CEP104: variants seen among roughly 807,000 people sequenced by gnomAD.
The protein encoded by CEP104 is centrosomal protein of 104 kDa.
In CEP104, 84 loss-of-function variants were observed where a neutral mutation model predicts 113.3. That is an observed-to-expected ratio of 0.74 (90% confidence interval 0.62 to 0.89). The LOEUF is 0.89. Ranked by LOEUF, CEP104 falls within the 40% of genes least tolerant of loss-of-function variation. The pLI, the probability that CEP104 is intolerant of heterozygous loss-of-function variation, is 0.00. For synonymous variants in CEP104, 378 were observed against 421.7 expected, an observed-to-expected ratio of 0.90 and a Z score of 1.27; for missense variants, 1,053 against 1,156.6, an observed-to-expected ratio of 0.91 and a Z score of 1.30.
At chr1:3,849,660 C>T (rs1644574777) in intron 2 of CEP104, among the ~76,000 whole-genome samples, 1 of 152,178 alleles carries the variant, frequency 6.6e-6, no homozygotes, top group Non-Finnish European at 1.5e-5. Context: ...GGGCAGCTGG[C>T]ACAAATTGGG....
At chr1:3,851,380 A>C (rs902872793) in intron 2 of CEP104, among the ~76,000 whole-genome samples, 2 of 149,920 alleles carry the variant, frequency 1.3e-5, no homozygotes, top group African/African-American at 4.8e-5. Context: ...GAATAAAAGC[A>C]AGACAGAATT....
chr1:3,815,241 C>A lies in CEP104; in HGVS notation c.*161G>T. ...GTTAGCTGCATCCATATCGTTTGCA[C>A]GAGAGCTGACGGCACAGACGCGTAA... On this transcript the variant is annotated 3_prime_UTR_variant, in exon 22 of 22. Transcript: ENST00000378230. The A allele has an allele frequency of 1.6e-6, 1 of 613,420 alleles. No individual in the cohort carries two copies. The highest frequency in any genetic ancestry group is 1.8e-5 in the African/African-American group (1 of 54,318). The allele number at this position is 613,420 out of a possible 1,614,324, so 38.0% of individuals were successfully genotyped here.
chr1:3,837,062 G>C, intron 9 of CEP104: 1 of 545,946 alleles, frequency 1.8e-6, no homozygotes, highest in South Asian at 2.5e-5. Flanking sequence ...TTATTGCTTA[G>C]AAATAAGCAT....
At chr1:3,839,573 C>T (rs184143611) in intron 7 of CEP104, 35 bp downstream of exon 7, 3 of 1,575,316 alleles carry the variant, frequency 1.9e-6, no homozygotes, top group African/African-American at 1.4e-5. Context: ...CTATTACAGG[C>T]ATAAATTAGG....
At chr1:3,855,174 ATTTTTTT>A (rs35424750) in intron 1 of CEP104, among the ~76,000 whole-genome samples, 2 of 121,270 alleles carry the variant, frequency 1.6e-5, no homozygotes, top group Non-Finnish European at 3.3e-5. Flanking sequence ...CCCAGCCCCG[ATTTTTTT>A]TTTTTTTTTT....
At chr1:3,851,413 A>G (rs991831916) in intron 2 of CEP104, among the ~76,000 whole-genome samples, 5 of 152,184 alleles carry the variant, frequency 3.3e-5, no homozygotes, top group African/African-American at 1.2e-4. Context: ...TTAAAATGCC[A>G]TACATATTTA....
chr1:3,831,620 A>T (rs751995285), intron 12 of CEP104, among the ~76,000 whole-genome samples: 1 of 152,238 alleles, frequency 6.6e-6, no homozygotes, highest in Non-Finnish European at 1.5e-5. Context: ...ATTAAATGTC[A>T]GCCAAGAGTG....
rs557247562 is a variant in CEP104 at position 3,829,365 on chromosome 1, T to G, written c.2052A>C (p.Arg684Ser). 1 of 1,608,952 alleles carries G rather than the reference T, an allele frequency of 6.2e-7. No homozygotes were observed. The highest frequency in any genetic ancestry group is 1.1e-5 in the South Asian group (1 of 89,668). ...TTTCTGCTTCTTCTGTAGCCGCTTTTCTCCGTGCCTGGTAAGAAAATTATT... is the reference window on the plus strand; with the variant it reads ...TTTCTGCTTCTTCTGTAGCCGCTTTGCTCCGTGCCTGGTAAGAAAATTATT... ...RATDAEMRAR[R>S]KAATEEAEKQ... Residue 684 changes from arginine (R) to serine (S), a missense_variant, in exon 15 of 22, where the codon AGA (arginine) becomes AGC (serine). Arg to Ser is a moderately radical substitution (Grantham distance 110). Coordinates refer to ENST00000378230, the MANE Select transcript of CEP104 (RefSeq NM_014704.4).
At chr1:3,843,457 T>C (rs1367813271) in intron 6 of CEP104, 1 of 457,184 alleles carries the variant, frequency 2.2e-6, no homozygotes, top group Non-Finnish European at 3.9e-6. Context: ...GCTCAAGCGA[T>C]CTTCCTGCCT....
At chr1:3,831,715 A>T (rs555151356) in intron 12 of CEP104, among the ~76,000 whole-genome samples, 2 of 152,394 alleles carry the variant, frequency 1.3e-5, no homozygotes, top group South Asian at 4.1e-4. Flanking sequence ...CTCTAAACAA[A>T]CAAGTCTTTA....
chr1:3,826,351 G>GGAAGACA lies in CEP104; in HGVS notation c.2255+12_2255+18dup, dbSNP rs745837347. The GGAAGACA allele has an allele frequency of 5.0e-6, 8 of 1,611,040 alleles. No homozygotes were observed. The highest frequency in any genetic ancestry group is 5.9e-6 in the Non-Finnish European group (7 of 1,177,548). On this transcript the variant is annotated intron_variant, in intron 17 of 21. Transcript: ENST00000378230. ...TTGCCCTGACCATCGTACAATGGGT[G>GGAAGACA]GAAGACAGCGCGACTTACTTATCTA...
chr1:3,843,304 C>T, intron 6 of CEP104: 1 of 661,730 alleles, frequency 1.5e-6, no homozygotes, highest in Non-Finnish European at 2.8e-6. Context: ...AAAGTGGATT[C>T]ACCCCCGGTT....
intron 1 of CEP104, chr1:3,855,872 A>G (rs1644714097): frequency 1.0e-6 from 1 of 984,442 alleles, no homozygotes; most frequent in Non-Finnish European, 1.2e-6. Context: ...GGTCTTCCTC[A>G]CCAGAGGCAT....
chr1:3,824,647 T>C (rs4648415), intron 18 of CEP104, among the ~76,000 whole-genome samples: 102,127 of 152,068 alleles, frequency 0.67, 35,862 homozygotes, highest in African/African-American at 0.89. Context: ...TAAAAACAGA[T>C]GGACAACCCG....
intron 6 of CEP104, among the ~76,000 whole-genome samples, chr1:3,842,193 C>T (rs1466827407): frequency 5.9e-5 from 9 of 152,220 alleles, no homozygotes; most frequent in African/African-American, 1.4e-4. Flanking sequence ...CATTCTCCCA[C>T]CTCAGCCTTC....
intron 18 of CEP104, among the ~76,000 whole-genome samples, chr1:3,824,274 C>T (rs150444426): frequency 0.022 from 3,414 of 152,154 alleles, 76 homozygotes; most frequent in East Asian, 0.1. Flanking sequence ...TTAGTAGAGA[C>T]GGGGTTTCTC....
chr1:3,818,859 C>T (rs1056414099), intron 20 of CEP104, among the ~76,000 whole-genome samples: 3 of 152,220 alleles, frequency 2.0e-5, no homozygotes, highest in African/African-American at 7.2e-5. Flanking sequence ...TCATTTTAAT[C>T]TAATTGAATT....
chr1:3,842,937 G>A (rs960371318), intron 6 of CEP104, among the ~76,000 whole-genome samples: 2 of 152,016 alleles, frequency 1.3e-5, no homozygotes, highest in Admixed American at 1.3e-4. Flanking sequence ...ACAGGTGTGC[G>A]CCACCACGCC....
chr1:3,815,689 A>AT lies in CEP104; in HGVS notation c.2663-173dup, dbSNP rs35136906. Among the ~76,000 whole-genome samples, 89 of 144,414 alleles carry AT rather than the reference A, an allele frequency of 6.2e-4. 1 individual carries two copies. Among genetic ancestry groups the AT allele is most frequent in the Admixed American group, 2.3e-3 (33 of 14,604 alleles). 94.7% of individuals were successfully genotyped at this position (144,414 alleles called of 152,430 possible). A position where few individuals can be genotyped will look rare whatever the true frequency, so the allele number is the denominator to read the frequency against. ...AGTAGGGTCTACTCTTCAGCTTCCT[A>AT]TTTTTTTTTTTTTTGTTGAGACAGA... On this transcript the variant is annotated intron_variant, in intron 21 of 21. Coordinates refer to ENST00000378230, the MANE Select transcript of CEP104 (RefSeq NM_014704.4).
Sources: allele counts gnomAD v4.1 joint callset (sites outside exome capture counted in the v4.1 genomes callset), GRCh38; gene constraint gnomAD v4.1.1; transcripts MANE v1.5; gene names NCBI Gene and HGNC (gene_info 2026-07-23, HGNC 2026-07-21).